Variants in AUTS2 observed in about 807,000 individuals in gnomAD.
AUTS2 encodes the protein autism susceptibility gene 2 protein.
In AUTS2, 17 loss-of-function variants were observed where a neutral mutation model predicts 112.4. The ratio of observed to expected loss-of-function variants is 0.15; its 90% CI spans 0.10 to 0.23. AUTS2 has a LOEUF of 0.23. Ranked by LOEUF, AUTS2 falls within the 10% of genes least tolerant of loss-of-function variation. The pLI is 1.00. For missense variants in AUTS2, 1,510 were observed against 1,701.6 expected (o/e 0.89, Z 1.98); for synonymous variants, 751 against 702.7 (o/e 1.07, Z -1.09).
intron 2 of AUTS2, among the ~76,000 whole-genome samples, chr7:70,064,279 C>T (rs1436902430): frequency 6.6e-6 from 1 of 152,162 alleles, no homozygotes; most frequent in African/African-American, 2.4e-5. Flanking sequence ...TGTCTGTGTA[C>T]TGTGACCCGA....
chr7:69,629,287 C>T (rs1271594919), intron 1 of AUTS2, among the ~76,000 whole-genome samples: 2 of 152,200 alleles, frequency 1.3e-5, no homozygotes, highest in African/African-American at 4.8e-5. Context: ...CTTAACTTTT[C>T]TGAGCATGTT....
At chr7:69,953,631 GT>G (rs1417086618) in intron 2 of AUTS2, among the ~76,000 whole-genome samples, 1 of 152,208 alleles carries the variant, frequency 6.6e-6, no homozygotes, top group Non-Finnish European at 1.5e-5. Flanking sequence ...CATTGGAAGG[GT>G]GGCCAGCCAG....
intron 4 of AUTS2, among the ~76,000 whole-genome samples, chr7:70,348,731 AC>A: frequency 6.6e-6 from 1 of 152,006 alleles, no homozygotes; most frequent in African/African-American, 2.4e-5. Context: ...AATGGCGTGA[AC>A]CCCGGGAGGC....
At chr7:69,825,643 CCACTT>C (rs1291399836) in intron 1 of AUTS2, 1 of 152,076 alleles carries the variant, frequency 6.6e-6, no homozygotes, top group Non-Finnish European at 1.5e-5. Context: ...TCACTATCCT[CCACTT>C]CACTTCTTTT....
At chr7:69,958,186 G>A (rs991880774) in intron 2 of AUTS2, among the ~76,000 whole-genome samples, 1 of 152,034 alleles carries the variant, frequency 6.6e-6, no homozygotes, top group African/African-American at 2.4e-5. Context: ...TCCCGACCTG[G>A]TATCTTTTTT....
rs934214411 is a variant in AUTS2, at chr7:69,599,759, G to C, written c.106G>C (p.Gly36Arg). 1.5e-6 allele frequency: 2 copies of C among 1,369,464 alleles called. No homozygotes were observed. Among genetic ancestry groups the C allele is most frequent in the East Asian group, 3.1e-5 (1 of 32,552 alleles). The allele number at this position is 1,369,464 out of a possible 1,614,324, so 84.8% of individuals were successfully genotyped here. ...GGGCGGGCTGGGGGCCGGCGCGGCC[G>C]GCGGCGGCGGGGCTGGCCGGACCCG... ...SRGGLGAGAAGGGGAGRTRAL... is the reference protein window; with the variant it reads ...SRGGLGAGAARGGGAGRTRAL... Residue 36 changes from glycine (G) to arginine (R), a missense_variant, in exon 1 of 19, where the codon GGC becomes CGC. Transcript: ENST00000342771. The surrounding 1 kb of genome is among the most constrained non-coding windows in gnomAD (Gnocchi z 7.0).
chr7:70,144,226 C>T (rs965576788), intron 4 of AUTS2, among the ~76,000 whole-genome samples: 1 of 152,024 alleles, frequency 6.6e-6, no homozygotes, highest in Non-Finnish European at 1.5e-5. Context: ...CTCAACTTTG[C>T]CAAGAGAACT....
Position 70,790,078 on chromosome 7 carries a change from C to G in AUTS2, c.2862C>G (p.Pro954=), listed in dbSNP as rs746278968. The G allele has an allele frequency of 6.3e-7, 1 of 1,577,784 alleles. No individual in the cohort carries two copies. Among genetic ancestry groups the G allele is most frequent in the African/African-American group, 1.3e-5 (1 of 74,194 alleles). ...CCCCGGTGGTGGAGAGTGCCAGGCC[C>G]AACAGCACCTCGAGCCGGGAGGCCG... ...VRTPVVESAR[P]NSTSSREAEP... Residue 954 remains proline, a synonymous_variant, in exon 19 of 19, where the codon CCC becomes CCG. Transcript: ENST00000342771. This position sits in a 1 kb window ranked among gnomAD's most constrained non-coding sequence, Gnocchi z 7.6.
At chr7:70,168,412 G>C (rs1320007363) in intron 4 of AUTS2, among the ~76,000 whole-genome samples, 2 of 152,214 alleles carry the variant, frequency 1.3e-5, no homozygotes, top group African/African-American at 4.8e-5. Context: ...TGCCTCCCAG[G>C]TTCAAGAGAT....
chr7:70,252,857 G>A (rs919254447), intron 4 of AUTS2, among the ~76,000 whole-genome samples: 9 of 151,982 alleles, frequency 5.9e-5, no homozygotes, highest in Non-Finnish European at 1.2e-4. Flanking sequence ...TTTCTCCATT[G>A]TGTGCTATTG....
chr7:70,678,351 T>A (rs1361025258), intron 5 of AUTS2, among the ~76,000 whole-genome samples: 1 of 152,180 alleles, frequency 6.6e-6, no homozygotes, highest in South Asian at 2.1e-4. Context: ...TAAGGAAAGA[T>A]TTTGATGACA....
chr7:69,764,425 A>C (rs1788330690), intron 1 of AUTS2, among the ~76,000 whole-genome samples: 1 of 150,724 alleles, frequency 6.6e-6, no homozygotes, highest in Non-Finnish European at 1.5e-5. Context: ...AGTTGCGGGC[A>C]GGGGCGCAGG....
intron 1 of AUTS2, among the ~76,000 whole-genome samples, chr7:69,720,731 G>A (rs1798887061): frequency 6.6e-6 from 1 of 152,160 alleles, no homozygotes; most frequent in African/African-American, 2.4e-5. Context: ...TTTTTAGGGA[G>A]GAAATTCTGC....
intron 1 of AUTS2, among the ~76,000 whole-genome samples, chr7:69,617,909 C>A (rs1485661258): frequency 6.6e-6 from 1 of 152,174 alleles, no homozygotes; most frequent in Non-Finnish European, 1.5e-5. Flanking sequence ...GTGCCAGAAT[C>A]ACCACCATTT....
chr7:70,060,785 C>T (rs1802210139), intron 2 of AUTS2, among the ~76,000 whole-genome samples: 1 of 152,190 alleles, frequency 6.6e-6, no homozygotes, highest in Non-Finnish European at 1.5e-5. Flanking sequence ...TGTTGTTTGT[C>T]TCCCAGAAGG....
intron 1 of AUTS2, among the ~76,000 whole-genome samples, chr7:69,747,993 A>G (rs1319439405): frequency 6.6e-6 from 1 of 152,082 alleles, no homozygotes; most frequent in East Asian, 1.9e-4. Context: ...CTAATTAAAA[A>G]AATTTCAAAG....
At chr7:70,486,802 G>A (rs991580560) in intron 5 of AUTS2, among the ~76,000 whole-genome samples, 14 of 151,756 alleles carry the variant, frequency 9.2e-5, no homozygotes, top group Non-Finnish European at 1.5e-4. Context: ...TTGTTGTCAC[G>A]CGTTGGCTGG....
At chr7:70,116,363 A>G (rs987501517) in intron 2 of AUTS2, among the ~76,000 whole-genome samples, 2 of 152,202 alleles carry the variant, frequency 1.3e-5, no homozygotes, top group African/African-American at 4.8e-5. Flanking sequence ...TGTGAATGGT[A>G]TAACCAAAAG....
At chr7:70,315,308 A>G (rs918615587) in intron 4 of AUTS2, among the ~76,000 whole-genome samples, 1 of 152,348 alleles carries the variant, frequency 6.6e-6, no homozygotes, top group East Asian at 1.9e-4. Flanking sequence ...GTTACTTAAC[A>G]GCATGGATAT....
Sources: allele counts gnomAD v4.1 joint callset (sites outside exome capture counted in the v4.1 genomes callset), GRCh38; gene constraint gnomAD v4.1.1; non-coding constraint Gnocchi (gnomAD v3.1); transcripts MANE v1.5; gene names NCBI Gene and HGNC (gene_info 2026-07-23, HGNC 2026-07-21).